RP1: variants seen among roughly 807,000 people sequenced by gnomAD.
RP1 encodes oxygen-regulated protein 1.
RP1 carries 16 observed loss-of-function variants against 14.8 expected under a neutral mutation model. The observed-to-expected ratio is 1.08, with a 90% CI of 0.73 to 1.65. RP1 has a LOEUF of 1.65. Ranked by LOEUF, RP1 falls within the 40% of genes most tolerant of loss-of-function variation. The pLI, the probability that RP1 is intolerant of heterozygous loss-of-function variation, is 0.00. For missense variants in RP1, 2,631 were observed against 2,535.0 expected (o/e 1.04, Z -0.81); for synonymous variants, 876 against 883.6 (o/e 0.99, Z 0.15).
intron 15 of RP1, among the ~76,000 whole-genome samples, chr8:54,713,224 T>A (rs1808330613): frequency 6.6e-6 from 1 of 152,238 alleles, no homozygotes; most frequent in Non-Finnish European, 1.5e-5. Flanking sequence ...TATTTCTGTT[T>A]CTGTTACCAT....
At chr8:54,794,447 G>GTTTGTCAATATTTGACAATC (rs1362239169) in intron 24 of RP1, among the ~76,000 whole-genome samples, 2 of 151,602 alleles carry the variant, frequency 1.3e-5, no homozygotes, top group Non-Finnish European at 2.9e-5. Context: ...ATTTGACAAT[G>GTTTGTCAATATTTGACAATC]TTTGTCAATA....
chr8:54,823,578 C>T (rs1359755504), intron 24 of RP1, among the ~76,000 whole-genome samples: 3 of 152,164 alleles, frequency 2.0e-5, no homozygotes, highest in East Asian at 1.9e-4. Context: ...GGTCCACTCA[C>T]GTTGGCCTCC....
At chr8:54,598,695 C>G (rs905172543) in intron 1 of RP1, among the ~76,000 whole-genome samples, 2 of 152,120 alleles carry the variant, frequency 1.3e-5, no homozygotes, top group East Asian at 1.9e-4. Context: ...TCTGAGCATG[C>G]CTTTGTTACC....
chr8:54,708,049 G>C (rs928980706), intron 15 of RP1, among the ~76,000 whole-genome samples: 1 of 152,190 alleles, frequency 6.6e-6, no homozygotes, highest in Non-Finnish European at 1.5e-5. Context: ...TGTCCTGGGA[G>C]GAAATCAGTA....
At chr8:54,587,778 T>G (rs997762294) in intron 1 of RP1, among the ~76,000 whole-genome samples, 36 of 152,306 alleles carry the variant, frequency 2.4e-4, no homozygotes, top group African/African-American at 8.2e-4. Flanking sequence ...AACTGATGAC[T>G]TTTTCTATTT....
downstream of RP1, among the ~76,000 whole-genome samples, chr8:54,633,737 C>CTATATATA (rs59614361): frequency 5.5e-3 from 648 of 118,768 alleles, 12 homozygotes; most frequent in African/African-American, 0.018. Context: ...CTCTCTCTCT[C>CTATATATA]TATATATATA....
intron 22 of RP1, among the ~76,000 whole-genome samples, chr8:54,759,749 G>A (rs1014482911): frequency 6.6e-6 from 1 of 152,050 alleles, no homozygotes; most frequent in Non-Finnish European, 1.5e-5. Flanking sequence ...GCTTAGCTTC[G>A]GCTAGATGGG....
In RP1 at chr8:54,626,393, A is replaced by G. The variant is rs753558619; in HGVS notation, c.2511A>G (p.Gln837=). The G allele has an allele frequency of 3.7e-5, 60 of 1,613,486 alleles. 1 individual carries two copies. The South Asian group carries it at 6.0e-4, about 16-fold the overall frequency. Residue 837 remains glutamine, a synonymous_variant, in exon 4 of 4, where the codon CAA becomes CAG. Transcript: ENST00000220676. ...AACCCAAAGATTTTTATGCACCGCA[A>G]TCTCAAGCAGAAGTGGCATCTGGGT... is the stretch of plus-strand genomic sequence containing the variant. The part of the protein sequence containing the change: ...EQKPKDFYAP[Q]SQAEVASGYL...
intron 12 of RP1, chr8:54,697,146 C>T (rs1357119143): frequency 2.0e-6 from 2 of 1,010,222 alleles, no homozygotes; most frequent in East Asian, 2.5e-5. Context: ...CCGAACAGCA[C>T]TACATTTTTA....
At chr8:54,853,782 GAGAA>G (rs1359299912) in intron 26 of RP1, among the ~76,000 whole-genome samples, 49 of 82,094 alleles carry the variant, frequency 6.0e-4, no homozygotes, top group African/African-American at 2.1e-3. Flanking sequence ...AAGGAAGGAA[GAGAA>G]AGAAAGAGAG....
intron 1 of RP1, among the ~76,000 whole-genome samples, chr8:54,584,696 G>A (rs760887195): frequency 3.3e-5 from 5 of 152,152 alleles, no homozygotes; most frequent in Admixed American, 6.5e-5. Context: ...TGTATTGGGT[G>A]CATATATATT....
chr8:54,621,347 G>T lies in RP1; in HGVS notation c.381G>T (p.Trp127Cys), dbSNP rs963304527. The T allele has an allele frequency of 7.4e-6, 12 of 1,611,556 alleles. No homozygotes were observed. In the East Asian group the frequency reaches 2.7e-4, roughly 36 times the overall value. The change falls in exon 2 of 4, where the codon TGG becomes TGT. Residue 127 changes from tryptophan (W) to cysteine (C), a missense_variant. Physicochemically the swap from Trp to Cys is radical, Grantham distance 215. Transcript: ENST00000220676. Reference sequence around the variant, plus strand: ...AAGCCCGTCGGCGCCCGCGGCCCTGGCTCAGCAGCCGGGCCATTAGCGCGC... The same window carrying T: ...AAGCCCGTCGGCGCCCGCGGCCCTGTCTCAGCAGCCGGGCCATTAGCGCGC... ...LDKARRRPRP[W>C]LSSRAISAHS...
intron 28 of RP1, among the ~76,000 whole-genome samples, chr8:54,868,152 C>G (rs557478443): frequency 6.6e-6 from 1 of 152,292 alleles, no homozygotes; most frequent in East Asian, 1.9e-4. Context: ...GTCACATTCT[C>G]TTCCAAGCCA....
At chr8:54,678,529 T>G in exon 9 of RP1, 1 of 1,533,876 alleles carries the variant, frequency 6.5e-7, no homozygotes, top group Non-Finnish European at 8.7e-7. Flanking sequence ...TGCCTTCTTC[T>G]GTCACAGGTT....
At chr8:54,718,478 T>C (rs906902587) in intron 15 of RP1, among the ~76,000 whole-genome samples, 4 of 152,182 alleles carry the variant, frequency 2.6e-5, no homozygotes, top group African/African-American at 9.6e-5. Context: ...GGGTAGACTT[T>C]TCAACAAATG....
chr8:54,613,551 C>A (rs1417456962), upstream of RP1, among the ~76,000 whole-genome samples: 2 of 152,006 alleles, frequency 1.3e-5, no homozygotes, highest in Non-Finnish European at 2.9e-5. Flanking sequence ...CTTGATGCAC[C>A]AGTTGTTTGT....
At chr8:54,683,705 C>G (rs1003361482) in intron 12 of RP1, among the ~76,000 whole-genome samples, 1 of 152,114 alleles carries the variant, frequency 6.6e-6, no homozygotes, top group East Asian at 1.9e-4. Context: ...TGGGTTGAGA[C>G]AATGGGATTT....
chr8:54,664,515 T>C (rs1410986849), intron 7 of RP1, among the ~76,000 whole-genome samples: 1 of 152,156 alleles, frequency 6.6e-6, no homozygotes, highest in East Asian at 1.9e-4. Flanking sequence ...CCACCAGCAG[T>C]GCACAAGGGT....
At chr8:54,658,812 C>G (rs935254738) in intron 6 of RP1, among the ~76,000 whole-genome samples, 1 of 150,906 alleles carries the variant, frequency 6.6e-6, no homozygotes, top group Non-Finnish European at 1.5e-5. Context: ...ACCTCCTTAC[C>G]TTTTTCCATA....
Sources: allele counts gnomAD v4.1 joint callset (sites outside exome capture counted in the v4.1 genomes callset), GRCh38; gene constraint gnomAD v4.1.1; transcripts MANE v1.5; gene names NCBI Gene and HGNC (gene_info 2026-07-23, HGNC 2026-07-21).